The following BEND6 variants were observed in gnomAD, a reference collection of about 807,000 sequenced individuals.
BEND6 encodes the protein BEN domain-containing protein 6.
BEND6 carries 24 observed loss-of-function variants against 31.8 expected under a neutral mutation model. That is an observed-to-expected ratio of 0.75 (90% CI 0.55 to 1.06). The LOEUF (loss-of-function observed/expected upper bound fraction) is 1.06, where lower values mean the gene tolerates loss of function less well. Among genes scored for constraint, BEND6 ranks in the 50% least tolerant of loss-of-function variants. BEND6 has a pLI of 0.00. For synonymous variants in BEND6, 109 were observed against 114.6 expected, an observed-to-expected ratio of 0.95 and a Z score of 0.31; for missense variants, 294 against 327.4, an observed-to-expected ratio of 0.90 and a Z score of 0.79.
chr6:57,013,338 G>A (rs148986650), intron 3 of BEND6, among the ~76,000 whole-genome samples: 21 of 152,312 alleles, frequency 1.4e-4, no homozygotes, highest in South Asian at 6.2e-4. Context: ...TTCCACATAC[G>A]TGAGGCTTTG....
intron 1 of BEND6, among the ~76,000 whole-genome samples, chr6:56,960,825 G>A (rs1486201708): frequency 6.6e-6 from 1 of 152,134 alleles, no homozygotes. Flanking sequence ...ATGAATCTAG[G>A]AAGAGAAAGA....
At chr6:57,004,572 A>G in intron 3 of BEND6, 1 of 918,820 alleles carries the variant, frequency 1.1e-6, no homozygotes, top group Non-Finnish European at 1.8e-6. Context: ...CAGAACTACC[A>G]CCAGGACTCA....
At chr6:56,959,164 C>T (rs1019070700) in intron 1 of BEND6, among the ~76,000 whole-genome samples, 2 of 152,100 alleles carry the variant, frequency 1.3e-5, no homozygotes, top group Admixed American at 6.5e-5. Flanking sequence ...TTTGAGTCCC[C>T]CCAACAGACT....
chr6:56,997,644 C>T (rs1179438436), intron 3 of BEND6, among the ~76,000 whole-genome samples: 1 of 152,180 alleles, frequency 6.6e-6, no homozygotes, highest in Non-Finnish European at 1.5e-5. Flanking sequence ...AGCTCCGCCT[C>T]CCAGGTTCAC....
intron 1 of BEND6, among the ~76,000 whole-genome samples, chr6:56,968,563 A>G (rs1430675037): frequency 6.6e-6 from 1 of 151,728 alleles, no homozygotes; most frequent in Admixed American, 6.6e-5. Context: ...GGCTCAAGCA[A>G]TCCTCCCACC....
intron 1 of BEND6, among the ~76,000 whole-genome samples, chr6:56,971,040 T>C (rs141974984): frequency 6.6e-6 from 1 of 152,334 alleles, no homozygotes; most frequent in East Asian, 1.9e-4. Context: ...AATACCTTAG[T>C]ATTATTGTGC....
At position 56,981,760 on chromosome 6, in the gene BEND6, G is replaced by T; in HGVS notation, c.-51G>T. On this transcript the variant is annotated 5_prime_UTR_variant, in exon 2 of 7. Transcript: ENST00000370746. ...GTCCAGAATAGCATCATCTTCATGG[G>T]TATTCCCTACTCCTAGGATTTCAGA... The T allele has an allele frequency of 6.3e-7, 1 of 1,597,016 alleles. No individual in the cohort carries two copies. The highest frequency in any genetic ancestry group is 8.5e-7 in the Non-Finnish European group (1 of 1,171,568).
intron 3 of BEND6, chr6:57,008,293 C>T: frequency 1.4e-6 from 1 of 700,452 alleles, no homozygotes. Flanking sequence ...AAGACTGTCT[C>T]TATTATTTTG....
At chr6:56,968,364 A>G (rs1203154237) in intron 1 of BEND6, among the ~76,000 whole-genome samples, 1 of 117,328 alleles carries the variant, frequency 8.5e-6, no homozygotes, top group Non-Finnish European at 1.6e-5. Flanking sequence ...TCTGTCACCC[A>G]GGCTGGAGTG....
At position 57,027,084 on chromosome 6, in the gene BEND6, G is replaced by A. The variant is rs931560508; in HGVS notation, c.*1012G>A. The A allele has an allele frequency of 6.6e-6, 1 of 152,160 alleles. No individual in the cohort carries two copies. Among genetic ancestry groups the A allele is most frequent in the African/African-American group, 2.4e-5 (1 of 41,430 alleles). The allele number at this position is 152,160 out of a possible 1,614,324, so 9.4% of individuals were successfully genotyped here. A position where few individuals can be genotyped will look rare whatever the true frequency, so the allele number is the denominator to read the frequency against. ...AAGATAAAACATTCTTCATCAAAAG[G>A]CTTCTCGCTTGGTGTCAGGTTGTCA... is the stretch of plus-strand genomic sequence containing the variant. On this transcript the variant is annotated 3_prime_UTR_variant, in exon 7 of 7. Transcript: ENST00000370746.
intron 1 of BEND6, among the ~76,000 whole-genome samples, chr6:56,981,317 C>T (rs9396246): frequency 0.23 from 35,050 of 151,942 alleles, 4,194 homozygotes; most frequent in African/African-American, 0.26. Flanking sequence ...TTTTAGTCTT[C>T]GGTTCTTATG....
intron 1 of BEND6, among the ~76,000 whole-genome samples, chr6:56,973,754 A>G (rs556142603): frequency 6.6e-6 from 1 of 152,194 alleles, no homozygotes; most frequent in East Asian, 1.9e-4. Context: ...TTTTAAACTT[A>G]CAATTTTTTT....
At chr6:56,969,021 C>A (rs1289453315) in intron 1 of BEND6, among the ~76,000 whole-genome samples, 1 of 151,206 alleles carries the variant, frequency 6.6e-6, no homozygotes, top group African/African-American at 2.4e-5. Context: ...GTTGTGTGAG[C>A]AGAGATGGCG....
At chr6:57,004,502 C>T in intron 3 of BEND6, 1 of 694,762 alleles carries the variant, frequency 1.4e-6, no homozygotes, top group African/African-American at 1.8e-5. Context: ...GCCTCTGCCG[C>T]TCCAGCTCCG....
intron 6 of BEND6, among the ~76,000 whole-genome samples, chr6:57,022,164 CTTTTTTTT>C (rs57185788): frequency 1.8e-5 from 2 of 111,190 alleles, no homozygotes; most frequent in South Asian, 5.6e-4. Context: ...TTTTCTTTTT[CTTTTTTTT>C]TTTTTTTTTT....
chr6:57,004,931 T>C (rs2127878900), intron 3 of BEND6: 1 of 531,708 alleles, frequency 1.9e-6, no homozygotes, highest in Non-Finnish European at 3.4e-6. Context: ...GAGAGCTACA[T>C]TGTCAGATTA....
chr6:56,974,233 A>C (rs1402726689), intron 1 of BEND6, among the ~76,000 whole-genome samples: 2 of 152,216 alleles, frequency 1.3e-5, no homozygotes, highest in East Asian at 3.8e-4. Flanking sequence ...GAATTAAAGC[A>C]GATGGCCTGC....
chr6:56,994,536 A>G (rs1028691829), intron 3 of BEND6, among the ~76,000 whole-genome samples: 1 of 150,666 alleles, frequency 6.6e-6, no homozygotes, highest in African/African-American at 2.4e-5. Context: ...CTTTGCTGTA[A>G]AACTTTGGCC....
At chr6:56,994,893 T>C (rs1826647808) in intron 3 of BEND6, among the ~76,000 whole-genome samples, 2 of 152,180 alleles carry the variant, frequency 1.3e-5, no homozygotes, top group South Asian at 4.1e-4. Flanking sequence ...ACGCTCCAAA[T>C]TGCCATTTCA....
Sources: allele counts gnomAD v4.1 joint callset (sites outside exome capture counted in the v4.1 genomes callset), GRCh38; gene constraint gnomAD v4.1.1; transcripts MANE v1.5; gene names NCBI Gene and HGNC (gene_info 2026-07-23, HGNC 2026-07-21).